FAXC: variants seen among roughly 807,000 people sequenced by gnomAD.
The protein encoded by FAXC is failed axon connections homolog.
FAXC carries 10 observed loss-of-function variants against 41.9 expected under a neutral mutation model. The observed-to-expected ratio is 0.24, with a 90% CI of 0.15 to 0.41. FAXC has a LOEUF of 0.41. FAXC is among the 10% of genes least tolerant of loss of function. The pLI is 1.00. For synonymous variants in FAXC, 183 were observed against 183.8 expected, an observed-to-expected ratio of 1.00 and a Z score of 0.03; for missense variants, 399 against 510.9, an observed-to-expected ratio of 0.78 and a Z score of 2.11.
chr6:99,292,412 C>A (rs561017278), intron 4 of FAXC, among the ~76,000 whole-genome samples: 1 of 152,178 alleles, frequency 6.6e-6, no homozygotes, highest in South Asian at 2.1e-4. Flanking sequence ...CCTGGCATCA[C>A]GATCCCATGA....
intron 5 of FAXC, among the ~76,000 whole-genome samples, chr6:99,284,927 A>T (rs184891591): frequency 6.6e-6 from 1 of 151,300 alleles, no homozygotes; most frequent in Non-Finnish European, 1.5e-5. Flanking sequence ...AAAAAAAAAA[A>T]GCCTATACAG....
chr6:99,326,396 G>A (rs1772804508), intron 3 of FAXC, among the ~76,000 whole-genome samples: 1 of 152,138 alleles, frequency 6.6e-6, no homozygotes. Context: ...GGAGAAACTA[G>A]GTATTTTCTC....
chr6:99,331,501 T>G (rs574915054), intron 3 of FAXC, among the ~76,000 whole-genome samples: 3 of 152,174 alleles, frequency 2.0e-5, no homozygotes, highest in Non-Finnish European at 4.4e-5. Context: ...TAAAATGATA[T>G]GTACGCACAC....
intron 1 of FAXC, among the ~76,000 whole-genome samples, chr6:99,343,680 A>G (rs1773499408): frequency 1.3e-5 from 2 of 152,216 alleles, no homozygotes; most frequent in African/African-American, 4.8e-5. Flanking sequence ...AGACCCAGGA[A>G]TAACAGTGCA....
chr6:99,341,659 C>T (rs916271860), intron 2 of FAXC, among the ~76,000 whole-genome samples: 1 of 152,086 alleles, frequency 6.6e-6, no homozygotes, highest in Admixed American at 6.5e-5. Context: ...TCAACAGATA[C>T]ACTTGAATAT....
chr6:99,340,364 G>A (rs976614938), intron 2 of FAXC, among the ~76,000 whole-genome samples: 1 of 151,892 alleles, frequency 6.6e-6, no homozygotes, highest in South Asian at 2.1e-4. Context: ...GCCTCCCAAA[G>A]TGCTGGGATT....
intron 4 of FAXC, among the ~76,000 whole-genome samples, chr6:99,302,750 G>A (rs940667076): frequency 5.9e-5 from 9 of 152,144 alleles, no homozygotes; most frequent in African/African-American, 2.2e-4. Context: ...GCAGGAGGTA[G>A]GGGTCACTGT....
At position 99,287,860 on chromosome 6, in the gene FAXC, T is replaced by C. The variant is rs1218400158; in HGVS notation, c.940+3844A>G. ...CATGTTATCAGCTCCCCTCCAAAGA[T>C]TTAGAAGGGGTATGGAACTAATGCC... On this transcript the variant is annotated intron_variant, in intron 5 of 5. Coordinates refer to ENST00000389677, the MANE Select transcript of FAXC (RefSeq NM_032511.4). 1.1e-4 allele frequency among the ~76,000 whole-genome samples: 17 copies of C among 152,178 alleles called. 1 individual carries two copies. Among genetic ancestry groups the C allele is most frequent in the Admixed American group, 8.5e-4 (13 of 15,288 alleles).
At chr6:99,285,095 C>T (rs1770982805) in intron 5 of FAXC, among the ~76,000 whole-genome samples, 1 of 151,196 alleles carries the variant, frequency 6.6e-6, no homozygotes, top group South Asian at 2.1e-4. Context: ...TACTACATGG[C>T]TGGCAGAGGC....
intron 4 of FAXC, among the ~76,000 whole-genome samples, chr6:99,298,799 TA>T (rs1480024696): frequency 2.0e-5 from 3 of 152,176 alleles, no homozygotes; most frequent in African/African-American, 7.2e-5. Context: ...GGTGCTATTC[TA>T]ACATAAGGAA....
Position 99,281,337 on chromosome 6 carries a change from T to C in FAXC, c.1057A>G (p.Lys353Glu), listed in dbSNP as rs140876247. 9.2e-4 allele frequency: 1,481 copies of C among 1,614,246 alleles called. 1 individual carries two copies. The highest frequency in any genetic ancestry group is 1.2e-3 in the Non-Finnish European group (1,381 of 1,180,042). ...YESEESSEGS[K>E]THTPLLDFSF... ...AAATCCAGCAGCGGGGTGTGGGTTT[T>C]GCTGCCTTCGCTGCTCTCCTCAGAC... is the stretch of plus-strand genomic sequence containing the variant. The change falls in exon 6 of 6, where the codon AAA becomes GAA. Residue 353 changes from lysine to glutamate, a missense_variant. Around this residue, in one of 3 missense-constraint regions of FAXC, gnomAD observed 92 missense variants for 94.9 expected, o/e 0.97. Transcript: ENST00000389677.
At chr6:99,297,982 T>G (rs184027879) in intron 4 of FAXC, among the ~76,000 whole-genome samples, 345 of 152,308 alleles carry the variant, frequency 2.3e-3, no homozygotes, top group Admixed American at 5.2e-3. Flanking sequence ...TTAGACATTC[T>G]TAGATCCCAT....
intron 4 of FAXC, among the ~76,000 whole-genome samples, chr6:99,302,898 T>G (rs527466824): frequency 6.6e-6 from 1 of 151,810 alleles, no homozygotes; most frequent in East Asian, 1.9e-4. Context: ...AAAAAATAGG[T>G]AAAGCAAATA....
intron 2 of FAXC, among the ~76,000 whole-genome samples, chr6:99,339,890 A>G (rs1773356379): frequency 6.6e-6 from 1 of 152,160 alleles, no homozygotes; most frequent in South Asian, 2.1e-4. Flanking sequence ...CAAACATAAA[A>G]GAAAAGGAAA....
chr6:99,333,687 C>G (rs1773110436), intron 2 of FAXC, 140 bp from the exon 3 acceptor site: 1 of 684,928 alleles, frequency 1.5e-6, no homozygotes, highest in Admixed American at 3.3e-5. Context: ...GCATAAACTC[C>G]TTAAGACAAT....
intron 4 of FAXC, chr6:99,309,967 C>T (rs1413168397): frequency 1.1e-6 from 1 of 924,616 alleles, no homozygotes; most frequent in African/African-American, 1.8e-5. Context: ...AAGAAAAGCA[C>T]TGTCATTTGC....
At position 99,342,999 on chromosome 6, in the gene FAXC, T is replaced by C. The variant is rs1433034525; in HGVS notation, c.301A>G (p.Ile101Val). The C allele has an allele frequency of 1.9e-6, 3 of 1,611,534 alleles. No individual in the cohort carries two copies. Among genetic ancestry groups the C allele is most frequent in the East Asian group, 2.2e-5 (1 of 44,812 alleles). The change falls in exon 2 of 6, where the codon ATT becomes GTT. Residue 101 changes from isoleucine to valine, a missense_variant. By Grantham distance (29) the Ile-to-Val change is conservative. Around this residue, in one of 3 missense-constraint regions of FAXC, gnomAD observed 239 missense variants for 352.7 expected, o/e 0.68. Coordinates refer to ENST00000389677, the MANE Select transcript of FAXC (RefSeq NM_032511.4). Reference sequence around the variant, plus strand: ...TTAGGTCTTGCAAACTGATGCAAAATAATAGCATCTTTAGAGTCAATCTCT... The same window carrying C: ...TTAGGTCTTGCAAACTGATGCAAAACAATAGCATCTTTAGAGTCAATCTCT... ...QQEIDSKDAI[I>V]LHQFARPNNG...
intron 4 of FAXC, among the ~76,000 whole-genome samples, chr6:99,314,239 C>G (rs1010354781): frequency 2.6e-5 from 4 of 152,040 alleles, no homozygotes; most frequent in African/African-American, 9.7e-5. Flanking sequence ...AACCCTCCCC[C>G]TCTACACATA....
At chr6:99,345,832 G>C (rs575005777) in intron 1 of FAXC, among the ~76,000 whole-genome samples, 1 of 152,344 alleles carries the variant, frequency 6.6e-6, no homozygotes, top group East Asian at 1.9e-4. Context: ...TTGAATTTAA[G>C]ATAGCTGCCA....
Sources: gnomAD v4.1 joint callset for allele counts (sites outside exome capture counted in the v4.1 genomes callset) on GRCh38, gnomAD v4.1.1 for gene constraint, gnomAD v4.1.1 regional missense constraint, MANE v1.5 for transcripts, NCBI Gene and HGNC (gene_info 2026-07-23, HGNC 2026-07-21) for gene names.